The following PRKN variants were observed in gnomAD, a reference collection of about 807,000 sequenced individuals.
The protein encoded by PRKN is parkin RBR E3 ubiquitin protein ligase.
Under a neutral mutation model 59.5 loss-of-function variants are expected in PRKN, and 56 were observed. That is an observed-to-expected ratio of 0.94 (90% confidence interval 0.76 to 1.18). The LOEUF (loss-of-function observed/expected upper bound fraction) is 1.18, where lower values mean the gene tolerates loss of function less well. Among genes scored for constraint, PRKN ranks in the 50% most tolerant of loss-of-function variants. The pLI is 0.00. For missense variants in PRKN, 657 were observed against 596.4 expected, an observed-to-expected ratio of 1.10 and a Z score of -1.06; for synonymous variants, 250 against 222.1, an observed-to-expected ratio of 1.13 and a Z score of -1.12.
intron 6 of PRKN, among the ~76,000 whole-genome samples, chr6:161,903,193 G>A (rs545425114): frequency 1.6e-5 from 2 of 122,890 alleles, no homozygotes; most frequent in Non-Finnish European, 1.7e-5. Context: ...TGCTGGAGGC[G>A]GCTGCACTGG....
chr6:162,194,574 G>T (rs12529283), intron 4 of PRKN, among the ~76,000 whole-genome samples: 87,345 of 151,878 alleles, frequency 0.58, 26,367 homozygotes, highest in African/African-American at 0.76. Flanking sequence ...CGTCTTTAAG[G>T]AGACCCCTTT....
chr6:161,650,452 G>T (rs570222868), intron 7 of PRKN, among the ~76,000 whole-genome samples: 2 of 152,040 alleles, frequency 1.3e-5, no homozygotes, highest in Admixed American at 1.3e-4. Context: ...GCACTACAAC[G>T]AACATATGTA....
At chr6:161,816,408 G>A (rs1583201161) in intron 6 of PRKN, among the ~76,000 whole-genome samples, 1 of 152,088 alleles carries the variant, frequency 6.6e-6, no homozygotes, top group African/African-American at 2.4e-5. Flanking sequence ...AGGCAATTGT[G>A]GGGGTGATGG....
chr6:162,037,389 C>A (rs777422493), intron 5 of PRKN, among the ~76,000 whole-genome samples: 3 of 152,022 alleles, frequency 2.0e-5, no homozygotes, highest in Non-Finnish European at 2.9e-5. Context: ...TAAAATAATA[C>A]GTGAGACACA....
chr6:161,893,685 T>A (rs1279056044), intron 6 of PRKN, among the ~76,000 whole-genome samples: 1 of 152,226 alleles, frequency 6.6e-6, no homozygotes, highest in African/African-American at 2.4e-5. Flanking sequence ...CACACACTGC[T>A]TGGTGCCTGG....
intron 9 of PRKN, among the ~76,000 whole-genome samples, chr6:161,481,778 T>C (rs1029190398): frequency 6.6e-6 from 1 of 152,194 alleles, no homozygotes; most frequent in Admixed American, 6.5e-5. Flanking sequence ...TTTATTATTG[T>C]TCTTACTGAT....
intron 1 of PRKN, among the ~76,000 whole-genome samples, chr6:162,652,502 A>G (rs962864493): frequency 4.6e-5 from 7 of 152,330 alleles, no homozygotes; most frequent in Non-Finnish European, 1.0e-4. Context: ...GACCAATAGT[A>G]TCCTTAGAAT....
chr6:161,819,244 T>C (rs1003285859), intron 6 of PRKN, among the ~76,000 whole-genome samples: 3 of 152,028 alleles, frequency 2.0e-5, no homozygotes, highest in African/African-American at 4.8e-5. Context: ...ATGCCTGTAA[T>C]ACTTTGGGAG....
chr6:162,672,714 GTGT>G (rs1779379366), intron 1 of PRKN, among the ~76,000 whole-genome samples: 2 of 136,858 alleles, frequency 1.5e-5, no homozygotes, highest in Admixed American at 7.6e-5. Flanking sequence ...GTGTGTGTGT[GTGT>G]GTATGCATGT....
intron 6 of PRKN, among the ~76,000 whole-genome samples, chr6:161,902,532 A>ATCTATCTG (rs1217627806): frequency 2.6e-4 from 21 of 81,432 alleles, no homozygotes; most frequent in South Asian, 1.3e-3. Context: ...CCGTCTATCT[A>ATCTATCTG]TCTATCTATC....
intron 6 of PRKN, among the ~76,000 whole-genome samples, chr6:161,790,582 C>T (rs539655710): frequency 8.5e-5 from 13 of 152,158 alleles, no homozygotes; most frequent in Admixed American, 7.2e-4. Flanking sequence ...TAAAGAGACC[C>T]CGGAAAGCTC....
intron 2 of PRKN, among the ~76,000 whole-genome samples, chr6:162,387,474 G>C (rs1786895988): frequency 6.7e-6 from 1 of 148,266 alleles, no homozygotes; most frequent in South Asian, 2.2e-4. Flanking sequence ...AATTATTGAA[G>C]TTAAGAAGAA....
In PRKN at chr6:161,347,614, T is replaced by C. The variant is rs1270286908; in HGVS notation, c.*2485A>G. ...TGTAGTGGATGATCTTGCTTTTTTG[T>C]TTTTGTTTTTTTTTTTTTTTTGAGA... On this transcript the variant is annotated 3_prime_UTR_variant, in exon 12 of 12. Coordinates refer to ENST00000366898, the MANE Select transcript of PRKN (RefSeq NM_004562.3). 2 of 106,348 alleles carry C rather than the reference T, an allele frequency of 1.9e-5. No homozygotes were observed. The highest frequency in any genetic ancestry group is 4.0e-4 in the East Asian group (2 of 4,992). 6.6% of individuals were successfully genotyped at this position (106,348 alleles called of 1,614,324 possible).
intron 6 of PRKN, among the ~76,000 whole-genome samples, chr6:161,858,262 G>A (rs1161056701): frequency 6.6e-6 from 1 of 152,168 alleles, no homozygotes; most frequent in Non-Finnish European, 1.5e-5. Context: ...CATGAGACAT[G>A]ATATGTGAAG....
chr6:161,547,508 G>T lies in PRKN; in HGVS notation c.1083+1346C>A, dbSNP rs80001267. On this transcript the variant is annotated intron_variant, in intron 9 of 11. Coordinates refer to ENST00000366898, the MANE Select transcript of PRKN (RefSeq NM_004562.3). This position sits in a 1 kb window ranked among gnomAD's most constrained non-coding sequence, Gnocchi z 4.0. ...AAATGCAAAAGATGGGCCAGCAAAA[G>T]TCTCTACCTCCTAAGAAAAGTTAAA... Among the ~76,000 whole-genome samples, 2,303 of 152,270 alleles carry T rather than the reference G, an allele frequency of 0.015. 61 individuals are homozygous for T. The highest frequency in any genetic ancestry group is 0.052 in the African/African-American group (2,151 of 41,532).
intron 1 of PRKN, among the ~76,000 whole-genome samples, chr6:162,460,399 G>A (rs1791096465): frequency 1.3e-5 from 2 of 152,212 alleles, no homozygotes. Flanking sequence ...CTGCTAAAGG[G>A]AAGTGGGTTT....
At chr6:162,648,571 G>C (rs1215893214) in intron 1 of PRKN, among the ~76,000 whole-genome samples, 1 of 151,942 alleles carries the variant, frequency 6.6e-6, no homozygotes, top group Non-Finnish European at 1.5e-5. Context: ...TAGTAGAGAC[G>C]GGGTTTCACC....
chr6:161,500,933 T>C (rs1427935683), intron 9 of PRKN, among the ~76,000 whole-genome samples: 1 of 143,454 alleles, frequency 7.0e-6, no homozygotes, highest in Non-Finnish European at 1.5e-5. Flanking sequence ...TGGAGTGCAA[T>C]GGCGCAATCT....
At chr6:161,839,427 C>T (rs764183031) in intron 6 of PRKN, among the ~76,000 whole-genome samples, 33 of 152,088 alleles carry the variant, frequency 2.2e-4, no homozygotes, top group Admixed American at 6.5e-4. Flanking sequence ...TGAGGCCTCT[C>T]AAACCACCCT....
Sources: allele counts gnomAD v4.1 joint callset (sites outside exome capture counted in the v4.1 genomes callset), GRCh38; gene constraint gnomAD v4.1.1; non-coding constraint Gnocchi (gnomAD v3.1); transcripts MANE v1.5; gene names NCBI Gene and HGNC (gene_info 2026-07-23, HGNC 2026-07-21).